FSCN2: variants seen among roughly 807,000 people sequenced by gnomAD.
FSCN2 encodes fascin actin-bundling protein 2, retinal, also known as fascin-2.
Under a neutral mutation model 37.8 loss-of-function variants are expected in FSCN2, and 46 were observed. The observed-to-expected ratio is 1.22, with a 90% confidence interval of 0.96 to 1.56. FSCN2 has a LOEUF of 1.56. Ranked by LOEUF, FSCN2 falls within the 40% of genes most tolerant of loss-of-function variation. The pLI, the probability that FSCN2 is intolerant of heterozygous loss-of-function variation, is 0.00. For synonymous variants in FSCN2, 351 were observed against 309.4 expected (o/e 1.13, Z -1.41); for missense variants, 844 against 730.4 (o/e 1.16, Z -1.79).
At position 81,535,037 on chromosome 17, in the gene FSCN2, A is replaced by C. The variant is rs1438541733; in HGVS notation, c.827-15A>C. 1 of 1,515,252 alleles carries C rather than the reference A, an allele frequency of 6.6e-7. No individual in the cohort carries two copies. Among genetic ancestry groups the C allele is most frequent in the South Asian group, 1.2e-5 (1 of 81,784 alleles). The allele number at this position is 1,515,252 out of a possible 1,614,324, so 93.9% of individuals were successfully genotyped here. On this transcript the variant is annotated splice_polypyrimidine_tract_variant and intron_variant, in intron 1 of 4. Coordinates refer to ENST00000417245, the MANE Select transcript of FSCN2 (RefSeq NM_012418.4). ...CAGGAGAGGCGTGAGGGGCTTCCCC[A>C]TCTCCTCCCTCCAGGGGTCAACGTC... is the stretch of plus-strand genomic sequence containing the variant.
chr17:81,518,628 C>T, the FSCN2 span, among the ~76,000 whole-genome samples: 1 of 152,216 alleles, frequency 6.6e-6, no homozygotes, highest in African/African-American at 2.4e-5. Flanking sequence ...TGGTCAGCTC[C>T]TCCAGCTCTC....
intron 1 of FSCN2, among the ~76,000 whole-genome samples, chr17:81,532,030 TG>T (rs2032663437): frequency 1.1e-5 from 1 of 94,112 alleles, no homozygotes; most frequent in South Asian, 4.2e-4. Flanking sequence ...ATGATAGTGA[TG>T]GTGATGATGA....
At chr17:81,520,245 TA>T in the FSCN2 span, among the ~76,000 whole-genome samples, 1 of 151,056 alleles carries the variant, frequency 6.6e-6, no homozygotes, top group African/African-American at 2.4e-5. Context: ...CAGGAAGGCC[TA>T]GGGGAGGGGT....
At chr17:81,531,339 G>GTGATGA (rs2032568239) in intron 1 of FSCN2, among the ~76,000 whole-genome samples, 2 of 74,744 alleles carry the variant, frequency 2.7e-5, no homozygotes, top group African/African-American at 1.1e-4. Flanking sequence ...GGTGGTGATG[G>GTGATGA]TGGTGGTGAT....
At chr17:81,531,327 G>GTGGTGATGATGGTGGTGGTGATGA (rs879999741) in intron 1 of FSCN2, among the ~76,000 whole-genome samples, 5 of 103,824 alleles carry the variant, frequency 4.8e-5, no homozygotes, top group Non-Finnish European at 1.8e-5. Context: ...GATGATGGTG[G>GTGGTGATGATGGTGGTGGTGATGA]TGGTGGTGAT....
At chr17:81,531,744 A>ATGATGGTGG (rs1259463658) in intron 1 of FSCN2, among the ~76,000 whole-genome samples, 1 of 52,922 alleles carries the variant, frequency 1.9e-5, no homozygotes, top group African/African-American at 9.4e-5. Flanking sequence ...GATGATGGTG[A>ATGATGGTGG]TGATAGTGAT....
chr17:81,535,237 TCATCCCCATCCCCAC>T (rs1375102431), intron 2 of FSCN2, 29 bp downstream of exon 2: 4 of 1,484,074 alleles, frequency 2.7e-6, no homozygotes, highest in Non-Finnish European at 9.0e-7. Context: ...TCCTCCTCCA[TCATCCCCATCCCCAC>T]CATCACCATC....
intron 1 of FSCN2, among the ~76,000 whole-genome samples, chr17:81,532,260 ATGATAGTGATGGTGG>A (rs1299395663): frequency 2.6e-5 from 3 of 114,536 alleles, no homozygotes; most frequent in African/African-American, 7.0e-5. Flanking sequence ...GATGATGATG[ATGATAGTGATGGTGG>A]TGATGGTGAT....
At chr17:81,518,886 C>T in the FSCN2 span, among the ~76,000 whole-genome samples, 569 of 152,314 alleles carry the variant, frequency 3.7e-3, 2 homozygotes, top group Non-Finnish European at 4.1e-3. Context: ...GGCGCTGTGT[C>T]CTAAGGGCTG....
At chr17:81,521,456 C>T in the FSCN2 span, among the ~76,000 whole-genome samples, 1 of 151,886 alleles carries the variant, frequency 6.6e-6, no homozygotes, top group African/African-American at 2.4e-5. Context: ...CTCGACCTCC[C>T]AGGCTCAAGC....
the FSCN2 span, among the ~76,000 whole-genome samples, chr17:81,519,995 C>CT: frequency 6.6e-6 from 1 of 152,204 alleles, no homozygotes; most frequent in Non-Finnish European, 1.5e-5. Flanking sequence ...AAGGTGGCTC[C>CT]AGGGCTGGAG....
chr17:81,536,499 A>G (rs2032881631), intron 3 of FSCN2, 123 bp from the exon 4 acceptor site: 3 of 1,538,244 alleles, frequency 2.0e-6, no homozygotes, highest in Admixed American at 1.9e-5. Context: ...AAGGCCGCAC[A>G]TGAGGCAATG....
Position 81,532,433 on chromosome 17 carries a change from A to ATGGTGATGATG in FSCN2, c.827-2619_827-2618insTGGTGATGATG, listed in dbSNP as rs2032711810. Among the ~76,000 whole-genome samples the ATGGTGATGATG allele has an allele frequency of 1.3e-3, 33 of 25,988 alleles. 1 individual carries two copies. The highest frequency in any genetic ancestry group is 6.2e-3 in the African/African-American group (30 of 4,830). 17.0% of individuals were successfully genotyped at this position (25,988 alleles called of 152,430 possible). On this transcript the variant is annotated intron_variant, in intron 1 of 4. Transcript: ENST00000417245. The stretch of plus-strand genomic sequence containing the variant: ...TGGTGATGATGGTGATGGTGATGAT[A>ATGGTGATGATG]ATGGTGATGATGATGGTGATGGTGG...
the FSCN2 span, among the ~76,000 whole-genome samples, chr17:81,515,210 C>A: frequency 6.6e-6 from 1 of 152,128 alleles, no homozygotes; most frequent in Non-Finnish European, 1.5e-5. Context: ...AGCAGCGGGG[C>A]CTCGCCCAAG....
chr17:81,521,618 C>A, the FSCN2 span, among the ~76,000 whole-genome samples: 1 of 152,134 alleles, frequency 6.6e-6, no homozygotes, highest in South Asian at 2.1e-4. Flanking sequence ...GCAGTCCACC[C>A]GACTTGGCCT....
intron 1 of FSCN2, among the ~76,000 whole-genome samples, chr17:81,531,279 G>GTGGTGGTGA (rs1568077007): frequency 6.0e-4 from 33 of 55,420 alleles, no homozygotes; most frequent in African/African-American, 2.9e-3. Flanking sequence ...GATGGCGGTG[G>GTGGTGGTGA]TGATGGTGAT....
At position 81,528,618 on chromosome 17, in the gene FSCN2, CG is replaced by C; in HGVS notation, c.89del (p.Gly30AlafsTer115). On this transcript the variant is annotated frameshift_variant, in exon 1 of 5. Transcript: ENST00000417245. LOFTEE classifies it high-confidence loss of function. ...TDRYLTAESF[G>X]FKVNASAPSL... ...ACCGCTACCTGACAGCTGAGAGCTT[CG>C]GCTTCAAGGTCAATGCCTCGGCACC... 6.2e-7 allele frequency: 1 copy of C among 1,607,184 alleles called. No individual in the cohort carries two copies. Among genetic ancestry groups the C allele is most frequent in the Non-Finnish European group, 8.5e-7 (1 of 1,177,386 alleles).
the FSCN2 span, among the ~76,000 whole-genome samples, chr17:81,520,053 C>T: frequency 1.3e-5 from 2 of 152,192 alleles, no homozygotes; most frequent in African/African-American, 4.8e-5. Flanking sequence ...GGGACAGAGG[C>T]TTCTCCGGCC....
the FSCN2 span, among the ~76,000 whole-genome samples, chr17:81,517,554 G>C: frequency 6.6e-6 from 1 of 152,168 alleles, no homozygotes; most frequent in Non-Finnish European, 1.5e-5. Context: ...TCTGTGTGTC[G>C]TGTGTGAGAC....
Sources: allele counts gnomAD v4.1 joint callset (sites outside exome capture counted in the v4.1 genomes callset), GRCh38; gene constraint gnomAD v4.1.1; transcripts MANE v1.5; gene names NCBI Gene and HGNC (gene_info 2026-07-23, HGNC 2026-07-21).